The following BICRAL variants were observed in gnomAD, a reference collection of about 807,000 sequenced individuals.
The protein encoded by BICRAL is BRD4-interacting chromatin-remodeling complex-associated protein-like.
Under a neutral mutation model 91.8 loss-of-function variants are expected in BICRAL, and 8 were observed. That is an observed-to-expected ratio of 0.09 (90% CI 0.05 to 0.16). The LOEUF (loss-of-function observed/expected upper bound fraction) is 0.16, where lower values mean the gene tolerates loss of function less well. Among genes scored for constraint, BICRAL ranks in the 10% least tolerant of loss-of-function variants. The probability of loss-of-function intolerance (pLI) is 1.00; values close to 1 mark genes in which losing one functional copy is unlikely to be tolerated. For synonymous variants in BICRAL, 445 were observed against 491.1 expected (o/e 0.91, Z 1.24); for missense variants, 1,038 against 1,310.9 (o/e 0.79, Z 3.21).
chr6:42,767,613 A>T (rs908595238), intron 1 of BICRAL, among the ~76,000 whole-genome samples: 7 of 152,264 alleles, frequency 4.6e-5, no homozygotes, highest in African/African-American at 1.7e-4. Context: ...AGCTTAACAT[A>T]TTGATGCAAG....
chr6:42,860,508 A>G (rs377306398), intron 11 of BICRAL, 152 bp downstream of exon 11: 2 of 553,728 alleles, frequency 3.6e-6, no homozygotes. Flanking sequence ...TGCTACTACA[A>G]AAACAGCAGT....
At chr6:42,850,963 G>A (rs976988612) in intron 6 of BICRAL, among the ~76,000 whole-genome samples, 14 of 152,140 alleles carry the variant, frequency 9.2e-5, no homozygotes, top group Non-Finnish European at 1.6e-4. Flanking sequence ...AGCCAGGGTG[G>A]ATGGATCACT....
In BICRAL at chr6:42,752,912, C is replaced by CTTT. The variant is rs57864510; in HGVS notation, c.-261+5910_-261+5912dup. On this transcript the variant is annotated intron_variant, in intron 1 of 14. Transcript: ENST00000614467. ...GCCACAGTGCCCTGCCCCCAGCTGA[C>CTTT]TTTTTTTTTTTTTTTTTTTTTTTGG... 2.9e-3 allele frequency among the ~76,000 whole-genome samples: 236 copies of CTTT among 82,180 alleles called. 1 individual carries two copies. The highest frequency in any genetic ancestry group is 4.4e-3 in the Non-Finnish European group (190 of 43,270). 53.9% of individuals were successfully genotyped at this position (82,180 alleles called of 152,430 possible). A position where few individuals can be genotyped will look rare whatever the true frequency, so the allele number is the denominator to read the frequency against.
chr6:42,783,083 G>A (rs1395349972), intron 1 of BICRAL, among the ~76,000 whole-genome samples: 2 of 151,756 alleles, frequency 1.3e-5, no homozygotes, highest in Non-Finnish European at 1.5e-5. Flanking sequence ...GAGGAGAGCA[G>A]GTCCGGGGTG....
chr6:42,847,937 C>T (rs9471929), intron 6 of BICRAL, among the ~76,000 whole-genome samples: 18,052 of 151,808 alleles, frequency 0.12, 2,124 homozygotes, highest in African/African-American at 0.3. Flanking sequence ...AGACCATCCT[C>T]GCTCACACAG....
intron 1 of BICRAL, among the ~76,000 whole-genome samples, chr6:42,791,212 G>C (rs894621694): frequency 2.0e-5 from 3 of 152,098 alleles, no homozygotes; most frequent in African/African-American, 7.2e-5. Flanking sequence ...AGACCTCTCT[G>C]TACCAGATCC....
chr6:42,796,645 T>C (rs1209912024), intron 1 of BICRAL, among the ~76,000 whole-genome samples: 1 of 152,134 alleles, frequency 6.6e-6, no homozygotes, highest in Non-Finnish European at 1.5e-5. Context: ...GAGATGATGA[T>C]GGCTTGGACC....
chr6:42,807,804 GAA>G (rs751723957), intron 1 of BICRAL, among the ~76,000 whole-genome samples: 1 of 128,340 alleles, frequency 7.8e-6, no homozygotes, highest in African/African-American at 2.8e-5. Context: ...GACTCCGTCT[GAA>G]AAAAAAAAAA....
At chr6:42,748,939 A>G (rs1449593758) in intron 1 of BICRAL, among the ~76,000 whole-genome samples, 1 of 152,138 alleles carries the variant, frequency 6.6e-6, no homozygotes, top group Non-Finnish European at 1.5e-5. Flanking sequence ...GCCTGTTTTG[A>G]TGGAAGGAGA....
upstream of BICRAL, among the ~76,000 whole-genome samples, chr6:42,780,061 C>G (rs937635703): frequency 6.6e-6 from 1 of 152,106 alleles, no homozygotes; most frequent in Non-Finnish European, 1.5e-5. Flanking sequence ...CCACACATAC[C>G]TGGCTAATTT....
At chr6:42,818,808 A>G (rs1442785240) in intron 2 of BICRAL, among the ~76,000 whole-genome samples, 1 of 152,156 alleles carries the variant, frequency 6.6e-6, no homozygotes, top group Non-Finnish European at 1.5e-5. Context: ...ACTTTTCCCC[A>G]CCGCTTTGAA....
chr6:42,829,726 A>C lies in BICRAL; in HGVS notation c.1393A>C (p.Asn465His). 1.9e-6 allele frequency: 3 copies of C among 1,614,180 alleles called. No individual in the cohort carries two copies. The highest frequency in any genetic ancestry group is 2.5e-6 in the Non-Finnish European group (3 of 1,180,018). Residue 465 changes from asparagine (N) to histidine (H), a missense_variant, in exon 6 of 13, where the codon AAC becomes CAC. By Grantham distance (68) the Asn-to-His change is moderately conservative. This residue lies in a region of BICRAL where 532 missense variants were observed against 724.9 expected (regional missense o/e 0.73). Coordinates refer to ENST00000314073, the MANE Select transcript of BICRAL (RefSeq NM_001393499.1). ...ACCATATACTGGACCGATGCTTAAC[A>C]ACCAGAATACTGCTGTCCACTTAGT... ...NQPYTGPMLN[N>H]QNTAVHLVSG...
rs1000934878 is a variant in BICRAL, at chr6:42,828,846, G to A, written c.513G>A (p.Val171=). 3 of 1,614,186 alleles carry A rather than the reference G, an allele frequency of 1.9e-6. No homozygotes were observed. Among genetic ancestry groups the A allele is most frequent in the Non-Finnish European group, 2.5e-6 (3 of 1,180,036 alleles). Residue 171 remains valine, a synonymous_variant, in exon 6 of 13, where the codon GTG becomes GTA. Transcript: ENST00000314073. ...QTLQPIGVTH[V]PVGASFASNT... The stretch of plus-strand genomic sequence containing the variant: ...TGCAGCCTATAGGGGTGACGCATGT[G>A]CCTGTTGGAGCATCGTTTGCAAGCA...
chr6:42,857,984 T>TTTTTTGTAATTTTGTAA lies in BICRAL; in HGVS notation c.2254+753_2254+754insGTAATTTTGTAATTTTT, dbSNP rs1765438222. 2.7e-5 allele frequency among the ~76,000 whole-genome samples: 4 copies of TTTTTTGTAATTTTGTAA among 149,856 alleles called. No homozygotes were observed. In the South Asian group the frequency reaches 6.4e-4, roughly 24 times the overall value. ...CCACCACGGCTGGCTAATTTTTGTATTTTTTTAGTAGAGATGGGGTTTCAC... is the reference window on the plus strand; with the variant it reads ...CCACCACGGCTGGCTAATTTTTGTATTTTTTGTAATTTTGTAATTTTTTAGTAGAGATGGGGTTTCAC... On this transcript the variant is annotated intron_variant, in intron 10 of 12. Transcript: ENST00000314073.
intron 6 of BICRAL, among the ~76,000 whole-genome samples, chr6:42,848,469 T>C (rs1765087013): frequency 2.0e-5 from 3 of 152,352 alleles, no homozygotes; most frequent in Middle Eastern, 3.4e-3. Context: ...GACATTAGAT[T>C]ATTATTTTTG....
intron 1 of BICRAL, among the ~76,000 whole-genome samples, chr6:42,792,748 A>T (rs1003862255): frequency 6.6e-6 from 1 of 151,898 alleles, no homozygotes; most frequent in Admixed American, 6.6e-5. Flanking sequence ...CCCCATCTCT[A>T]CTAAAAATAC....
At chr6:42,750,445 T>C (rs896152495) in intron 1 of BICRAL, among the ~76,000 whole-genome samples, 1 of 152,072 alleles carries the variant, frequency 6.6e-6, no homozygotes. Flanking sequence ...ACTACAGGTG[T>C]GAGCCCCCAC....
chr6:42,829,622 C>G lies in BICRAL; in HGVS notation c.1289C>G (p.Ser430Cys). The stretch of plus-strand genomic sequence containing the variant: ...GGGCAACTTCTTCAAACTCAACCCT[C>G]TCAGCTCATTTCTGGCCAAGTGGCC... ...INGQLLQTQP[S>C]QLISGQVASE... Residue 430 changes from serine to cysteine, a missense_variant, in exon 6 of 13, where the codon TCT becomes TGT. By Grantham distance (112) the Ser-to-Cys change is moderately radical (BLOSUM62 -1). This residue lies in a region of BICRAL where 532 missense variants were observed against 724.9 expected (regional missense o/e 0.73). Transcript: ENST00000314073. 1.2e-6 allele frequency: 2 copies of G among 1,614,234 alleles called. No homozygotes were observed. The highest frequency in any genetic ancestry group is 1.7e-6 in the Non-Finnish European group (2 of 1,180,034).
chr6:42,806,535 C>CG (rs1345173358), intron 1 of BICRAL, among the ~76,000 whole-genome samples: 1 of 137,194 alleles, frequency 7.3e-6, no homozygotes, highest in Non-Finnish European at 1.6e-5. Context: ...TTTTTTGAGA[C>CG]GGGGTCTTAC....
Sources: gnomAD v4.1 joint callset for allele counts (sites outside exome capture counted in the v4.1 genomes callset) on GRCh38, gnomAD v4.1.1 for gene constraint, gnomAD v4.1.1 regional missense constraint, MANE v1.5 for transcripts, NCBI Gene and HGNC (gene_info 2026-07-23, HGNC 2026-07-21) for gene names.